AMPH: variants seen among roughly 807,000 people sequenced by gnomAD.
The protein encoded by AMPH is amphiphysin.
A neutral mutation model predicts 99.1 loss-of-function variants in AMPH; 49 were observed. That is an observed-to-expected ratio of 0.49 (90% CI 0.39 to 0.63). The LOEUF is 0.63. AMPH is among the 20% of genes least tolerant of loss of function. The pLI is 0.00. For missense variants in AMPH, 759 were observed against 863.4 expected (o/e 0.88, Z 1.52); for synonymous variants, 314 against 317.3 (o/e 0.99, Z 0.11).
chr7:38,522,593 C>T (rs1354408099), intron 2 of AMPH, among the ~76,000 whole-genome samples: 1 of 151,982 alleles, frequency 6.6e-6, no homozygotes, highest in South Asian at 2.1e-4. Flanking sequence ...AGCAGGCCTC[C>T]AGAGGGGAGA....
At chr7:38,385,601 G>A (rs559279460) in intron 20 of AMPH, among the ~76,000 whole-genome samples, 20 of 152,316 alleles carry the variant, frequency 1.3e-4, no homozygotes, top group African/African-American at 4.6e-4. Flanking sequence ...GCAGTTGGAT[G>A]TCATGGCATT....
intron 1 of AMPH, among the ~76,000 whole-genome samples, chr7:38,626,475 G>C (rs1011433848): frequency 6.6e-6 from 1 of 152,168 alleles, no homozygotes; most frequent in Non-Finnish European, 1.5e-5. Context: ...ATGGTGCTCG[G>C]AAAACTGGCT....
At chr7:38,627,764 T>C (rs1197641929) in intron 1 of AMPH, among the ~76,000 whole-genome samples, 2 of 151,946 alleles carry the variant, frequency 1.3e-5, no homozygotes, top group Admixed American at 1.3e-4. Context: ...TATTCATATA[T>C]CTTATGTGAA....
In AMPH at chr7:38,503,033, T is replaced by C. The variant is rs528070216; in HGVS notation, c.205+617A>G. On this transcript the variant is annotated intron_variant, in intron 3 of 20. Transcript: ENST00000356264. ...TCAGGGCAGGCAGCGTGATGATGGA[T>C]AGCAGGCACAGGCTGAGCCACCTCC... 9.9e-4 allele frequency among the ~76,000 whole-genome samples: 86 copies of C among 86,818 alleles called. 1 individual carries two copies. The highest frequency in any genetic ancestry group is 4.0e-3 in the African/African-American group (84 of 20,870). The allele number at this position is 86,818 out of a possible 152,430, so 57.0% of individuals were successfully genotyped here.
chr7:38,556,416 A>G (rs1426872349), intron 1 of AMPH, among the ~76,000 whole-genome samples: 2 of 152,186 alleles, frequency 1.3e-5, no homozygotes, highest in African/African-American at 4.8e-5. Flanking sequence ...CACAGCTGAG[A>G]TGGGGTTTCA....
intron 1 of AMPH, among the ~76,000 whole-genome samples, chr7:38,627,314 C>T (rs1041635292): frequency 3.3e-5 from 5 of 149,548 alleles, no homozygotes; most frequent in African/African-American, 9.9e-5. Flanking sequence ...GAGGCTGAGG[C>T]GGGCAGATAA....
intron 6 of AMPH, among the ~76,000 whole-genome samples, chr7:38,476,166 G>A (rs946096495): frequency 6.6e-6 from 1 of 152,220 alleles, no homozygotes; most frequent in African/African-American, 2.4e-5. Context: ...GAGGGGAAAG[G>A]AGACTTGAAA....
At chr7:38,495,687 T>C (rs1289550834) in intron 3 of AMPH, among the ~76,000 whole-genome samples, 3 of 152,062 alleles carry the variant, frequency 2.0e-5, no homozygotes, top group African/African-American at 4.8e-5. Flanking sequence ...TATTTAAAAC[T>C]ATGAATGAAG....
chr7:38,428,776 G>A (rs1785883505), intron 14 of AMPH: 1 of 457,826 alleles, frequency 2.2e-6, no homozygotes, highest in Non-Finnish European at 4.4e-6. Flanking sequence ...TGTAGACCTT[G>A]GTCTCTGTCA....
At chr7:38,417,177 A>G (rs546050499) in intron 17 of AMPH, among the ~76,000 whole-genome samples, 6 of 152,202 alleles carry the variant, frequency 3.9e-5, no homozygotes, top group African/African-American at 1.4e-4. Context: ...CTTGGTACAT[A>G]TCAGAGCTCA....
At chr7:38,506,805 A>G (rs540576312) in intron 2 of AMPH, among the ~76,000 whole-genome samples, 28 of 152,332 alleles carry the variant, frequency 1.8e-4, no homozygotes, top group Admixed American at 1.8e-3. Context: ...AAAAAATAGC[A>G]TGGGGATGAA....
At chr7:38,457,460 GA>G (rs1787275987) in intron 11 of AMPH, among the ~76,000 whole-genome samples, 1 of 152,190 alleles carries the variant, frequency 6.6e-6, no homozygotes, top group Non-Finnish European at 1.5e-5. Context: ...TCAAACAGAT[GA>G]AAGCATCTCA....
At chr7:38,547,386 A>G (rs1369604293) in intron 1 of AMPH, among the ~76,000 whole-genome samples, 1 of 151,784 alleles carries the variant, frequency 6.6e-6, no homozygotes, top group Non-Finnish European at 1.5e-5. Context: ...CGGTGTAGAA[A>G]CGGTGCAGAA....
At chr7:38,606,566 C>CTTTTTTTTT (rs56934636) in intron 1 of AMPH, among the ~76,000 whole-genome samples, 1 of 97,276 alleles carries the variant, frequency 1.0e-5, no homozygotes, top group Non-Finnish European at 1.9e-5. Flanking sequence ...ACGTCATTCT[C>CTTTTTTTTT]TTTTTTTTTT....
At chr7:38,459,082 T>A (rs1284020786) in intron 11 of AMPH, among the ~76,000 whole-genome samples, 2 of 151,648 alleles carry the variant, frequency 1.3e-5, no homozygotes, top group African/African-American at 4.8e-5. Context: ...TGTACACCAA[T>A]AAAGAGCCAG....
At chr7:38,590,773 A>G (rs561185809) in intron 1 of AMPH, among the ~76,000 whole-genome samples, 1 of 152,314 alleles carries the variant, frequency 6.6e-6, no homozygotes, top group South Asian at 2.1e-4. Flanking sequence ...AAATCCAGCT[A>G]GTCCTGTCTC....
intron 11 of AMPH, among the ~76,000 whole-genome samples, chr7:38,460,385 C>A (rs753056402): frequency 5.8e-4 from 88 of 152,136 alleles, no homozygotes; most frequent in Non-Finnish European, 7.9e-4. Flanking sequence ...GGAATACCTG[C>A]ACTTGCATGG....
intron 17 of AMPH, among the ~76,000 whole-genome samples, chr7:38,411,761 C>A (rs761377119): frequency 3.9e-5 from 6 of 152,104 alleles, no homozygotes; most frequent in Non-Finnish European, 8.8e-5. Context: ...ACAGAGTTGT[C>A]TTTTTAACAT....
At position 38,391,911 on chromosome 7, in the gene AMPH, G is replaced by A. The variant is rs1341123866; in HGVS notation, c.1715C>T (p.Ala572Val). Residue 572 changes from alanine (A) to valine (V), a missense_variant, in exon 19 of 21, where the codon GCG becomes GTG. Ala to Val is a moderately conservative substitution (Grantham distance 64, BLOSUM62 0). Transcript: ENST00000356264. ...CTCGCTGGTGGGGCCCGGAGGAGCC[G>A]CGTCCTCGGTGGTCTCCTTGGGCTC... ...GAEPKETTED[A>V]APPGPTSETP... 1.2e-6 allele frequency: 2 copies of A among 1,612,518 alleles called. No individual in the cohort carries two copies. The highest frequency in any genetic ancestry group is 8.5e-7 in the Non-Finnish European group (1 of 1,179,806).
Sources: gnomAD v4.1 joint callset for allele counts (sites outside exome capture counted in the v4.1 genomes callset) on GRCh38, gnomAD v4.1.1 for gene constraint, MANE v1.5 for transcripts, NCBI Gene and HGNC (gene_info 2026-07-23, HGNC 2026-07-21) for gene names.